Variants in NELL1 observed in about 807,000 individuals in gnomAD.
The protein encoded by NELL1 is neural EGFL like 1.
NELL1 carries 76 observed loss-of-function variants against 107.4 expected under a neutral mutation model. That is an observed-to-expected ratio of 0.71 (90% CI 0.59 to 0.86). NELL1 has a LOEUF of 0.86. NELL1 is among the 40% of genes least tolerant of loss of function. The pLI is 0.00. For synonymous variants in NELL1, 353 were observed against 341.2 expected, an observed-to-expected ratio of 1.03 and a Z score of -0.38; for missense variants, 1,024 against 1,005.5, an observed-to-expected ratio of 1.02 and a Z score of -0.25.
chr11:21,318,417 A>T (rs531012635), intron 14 of NELL1, among the ~76,000 whole-genome samples: 9 of 152,238 alleles, frequency 5.9e-5, no homozygotes, highest in African/African-American at 2.2e-4. Flanking sequence ...TTCCCAGAAA[A>T]TCATTTCTAG....
intron 4 of NELL1, among the ~76,000 whole-genome samples, chr11:20,875,933 A>G (rs1344802446): frequency 6.6e-6 from 1 of 152,210 alleles, no homozygotes; most frequent in Non-Finnish European, 1.5e-5. Context: ...GAAGCAGGTC[A>G]CACGCAGGCT....
intron 12 of NELL1, among the ~76,000 whole-genome samples, chr11:21,069,543 A>G (rs1341898438): frequency 6.6e-6 from 1 of 152,176 alleles, no homozygotes; most frequent in African/African-American, 2.4e-5. Flanking sequence ...AGTAAAATCT[A>G]TGCATTTAGT....
At chr11:21,524,176 C>T (rs1391835786) in intron 15 of NELL1, among the ~76,000 whole-genome samples, 1 of 151,892 alleles carries the variant, frequency 6.6e-6, no homozygotes, top group Admixed American at 6.6e-5. Context: ...GTTTAAATCC[C>T]CACTCTGTCA....
chr11:20,946,027 G>A (rs1191537918), intron 10 of NELL1, among the ~76,000 whole-genome samples: 2 of 152,172 alleles, frequency 1.3e-5, no homozygotes, highest in East Asian at 3.8e-4. Flanking sequence ...AGGAGAGGAA[G>A]CCATGGTGCA....
intron 10 of NELL1, among the ~76,000 whole-genome samples, chr11:20,938,932 CTCTCTCTCTGTGTGTG>C (rs1356051404): frequency 3.3e-4 from 47 of 140,686 alleles, no homozygotes; most frequent in Middle Eastern, 3.5e-3. Context: ...CTCTCTCTCT[CTCTCTCTCTGTGTGTG>C]TGTGTGTGTG....
chr11:20,816,199 C>T (rs1175355055), intron 3 of NELL1, among the ~76,000 whole-genome samples: 2 of 151,832 alleles, frequency 1.3e-5, no homozygotes, highest in Non-Finnish European at 1.5e-5. Context: ...TGACATTGGT[C>T]GTTTGTTAGG....
At chr11:21,185,645 C>T (rs965388797) in intron 13 of NELL1, among the ~76,000 whole-genome samples, 1 of 151,610 alleles carries the variant, frequency 6.6e-6, no homozygotes, top group African/African-American at 2.4e-5. Flanking sequence ...CCTTCCTAAG[C>T]CTCGGTTTTA....
intron 3 of NELL1, among the ~76,000 whole-genome samples, chr11:20,794,894 G>A (rs1464958811): frequency 6.6e-6 from 1 of 152,202 alleles, no homozygotes; most frequent in Non-Finnish European, 1.5e-5. Context: ...TGAGGGAACA[G>A]CATTCTGGAT....
intron 14 of NELL1, among the ~76,000 whole-genome samples, chr11:21,234,219 G>C (rs751537274): frequency 3.3e-5 from 5 of 152,152 alleles, no homozygotes; most frequent in Admixed American, 3.3e-4. Flanking sequence ...CTCCTAGTTC[G>C]AAAAGCAGGA....
At chr11:20,993,801 C>T (rs1442651017) in intron 12 of NELL1, among the ~76,000 whole-genome samples, 2 of 151,208 alleles carry the variant, frequency 1.3e-5, no homozygotes, top group Non-Finnish European at 2.9e-5. Context: ...ATTTTTTTCC[C>T]CAATATTTTT....
chr11:21,502,666 C>G (rs958478455), intron 15 of NELL1, among the ~76,000 whole-genome samples: 3 of 152,148 alleles, frequency 2.0e-5, no homozygotes, highest in African/African-American at 7.2e-5. Context: ...GCCTTTCAGA[C>G]AGTTTTTAGC....
intron 14 of NELL1, among the ~76,000 whole-genome samples, chr11:21,271,502 A>C (rs1472619410): frequency 1.3e-5 from 2 of 152,220 alleles, no homozygotes; most frequent in Admixed American, 1.3e-4. Context: ...TTTCAAACAG[A>C]AGCACCAGGC....
intron 13 of NELL1, among the ~76,000 whole-genome samples, chr11:21,169,176 G>A (rs77276622): frequency 0.014 from 2,183 of 151,944 alleles, 80 homozygotes; most frequent in South Asian, 0.11. Flanking sequence ...TGACCAACAC[G>A]GAGGGATGTA....
chr11:21,210,276 G>A (rs1196880155), intron 13 of NELL1, among the ~76,000 whole-genome samples: 1 of 152,022 alleles, frequency 6.6e-6, no homozygotes, highest in East Asian at 1.9e-4. Flanking sequence ...TGGATGATGT[G>A]GTAACCCTGT....
rs574497931 is a variant in NELL1 at position 21,117,619 on chromosome 11, A to T, written c.1426+3905A>T. 6.6e-5 allele frequency among the ~76,000 whole-genome samples: 10 copies of T among 152,162 alleles called. No homozygotes were observed. In the East Asian group the frequency reaches 1.9e-3, roughly 29 times the overall value. The stretch of plus-strand genomic sequence containing the variant: ...TAGGATGTTCTGTAGGATGTTCAGA[A>T]CATTCTATTGGATGTTCTAAATATA... On this transcript the variant is annotated intron_variant, in intron 13 of 19. Transcript: ENST00000357134.
intron 4 of NELL1, among the ~76,000 whole-genome samples, chr11:20,867,245 T>A (rs1019762533): frequency 6.6e-5 from 10 of 152,154 alleles, no homozygotes; most frequent in African/African-American, 2.4e-4. Flanking sequence ...GATCCCTAAT[T>A]TCTCAATGGT....
At chr11:21,202,897 G>A (rs79859321) in intron 13 of NELL1, among the ~76,000 whole-genome samples, 15 of 151,730 alleles carry the variant, frequency 9.9e-5, no homozygotes, top group East Asian at 3.9e-4. Context: ...GTAGTCATTC[G>A]GTAGCAGGTT....
chr11:21,128,779 A>G (rs1241214257), intron 13 of NELL1, among the ~76,000 whole-genome samples: 2 of 152,198 alleles, frequency 1.3e-5, no homozygotes, highest in Non-Finnish European at 2.9e-5. Flanking sequence ...AGTGGTATAC[A>G]GTACAGGGGA....
At chr11:21,019,863 C>T (rs779115142) in intron 12 of NELL1, among the ~76,000 whole-genome samples, 1 of 152,082 alleles carries the variant, frequency 6.6e-6, no homozygotes, top group Non-Finnish European at 1.5e-5. Flanking sequence ...CTGAATTCTG[C>T]TTCAGGTTTC....
Sources: allele counts gnomAD v4.1 joint callset (sites outside exome capture counted in the v4.1 genomes callset), GRCh38; gene constraint gnomAD v4.1.1; transcripts MANE v1.5; gene names NCBI Gene and HGNC (gene_info 2026-07-23, HGNC 2026-07-21).